Variants in PIGK observed in about 807,000 individuals in gnomAD.
PIGK encodes phosphatidylinositol glycan anchor biosynthesis class K.
Under a neutral mutation model 50.6 loss-of-function variants are expected in PIGK, and 42 were observed. That is an observed-to-expected ratio of 0.83 (90% CI 0.65 to 1.07). PIGK has a LOEUF of 1.07. Ranked by LOEUF, PIGK falls within the 50% of genes least tolerant of loss-of-function variation. PIGK has a pLI of 0.00. For missense variants in PIGK, 448 were observed against 488.7 expected (o/e 0.92, Z 0.78); for synonymous variants, 151 against 156.0 (o/e 0.97, Z 0.24).
chr1:77,089,465 A>C lies in PIGK; in HGVS notation c.*2909T>G, dbSNP rs1653249330. 6.6e-6 allele frequency: 1 copy of C among 152,580 alleles called. No homozygotes were observed. The highest frequency in any genetic ancestry group is 6.5e-5 in the Admixed American group (1 of 15,290). The allele number at this position is 152,580 out of a possible 1,614,324, so 9.5% of individuals were successfully genotyped here. On this transcript the variant is annotated 3_prime_UTR_variant, in exon 11 of 11. Transcript: ENST00000370812. ...GTCAACTGAAAAAAGTTATATGTTAATGCAACATTTGTTGTAAAGATTCCA... is the reference window on the plus strand; with the variant it reads ...GTCAACTGAAAAAAGTTATATGTTACTGCAACATTTGTTGTAAAGATTCCA...
intron 3 of PIGK, among the ~76,000 whole-genome samples, chr1:77,199,434 G>C (rs1656111588): frequency 6.6e-6 from 1 of 151,880 alleles, no homozygotes; most frequent in African/African-American, 2.4e-5. Flanking sequence ...ACATTCAAAG[G>C]CATGAGTTAA....
intron 6 of PIGK, among the ~76,000 whole-genome samples, chr1:77,163,083 T>C (rs1435408886): frequency 1.3e-5 from 2 of 152,210 alleles, no homozygotes; most frequent in South Asian, 2.1e-4. Context: ...GCCCCCAGTA[T>C]GCATTCTATA....
chr1:77,187,606 A>G (rs1655779923), intron 3 of PIGK, among the ~76,000 whole-genome samples: 1 of 152,212 alleles, frequency 6.6e-6, no homozygotes, highest in Non-Finnish European at 1.5e-5. Context: ...AAATCAGTCC[A>G]CTACTCCACA....
intron 9 of PIGK, chr1:77,129,117 G>T (rs751625705): frequency 9.6e-7 from 1 of 1,039,646 alleles, no homozygotes; most frequent in Admixed American, 1.7e-5. Flanking sequence ...TGTGAAAATG[G>T]TTCGCTACTC....
At chr1:77,205,668 C>T (rs1047189283) in intron 3 of PIGK, among the ~76,000 whole-genome samples, 6 of 152,050 alleles carry the variant, frequency 3.9e-5, no homozygotes, top group African/African-American at 1.4e-4. Context: ...ATTTCAAAGT[C>T]ATATCTAACT....
intron 3 of PIGK, among the ~76,000 whole-genome samples, chr1:77,171,436 C>CAAAAAAAAAA (rs58788160): frequency 0.012 from 572 of 46,858 alleles, 58 homozygotes; most frequent in Non-Finnish European, 0.016. Context: ...GACTCCACCT[C>CAAAAAAAAAA]AAAAAAAAAA....
At chr1:77,126,647 A>G (rs1351197441) in intron 9 of PIGK, among the ~76,000 whole-genome samples, 1 of 152,178 alleles carries the variant, frequency 6.6e-6, no homozygotes, top group African/African-American at 2.4e-5. Flanking sequence ...ATGGTTTCCC[A>G]AGATTGTCAC....
intron 9 of PIGK, among the ~76,000 whole-genome samples, chr1:77,140,246 C>G (rs1223447092): frequency 6.6e-6 from 1 of 151,826 alleles, no homozygotes; most frequent in African/African-American, 2.4e-5. Context: ...CATGCTCACA[C>G]TCACTCACTC....
intron 3 of PIGK, among the ~76,000 whole-genome samples, chr1:77,175,584 G>A (rs1244739446): frequency 6.6e-6 from 1 of 152,128 alleles, no homozygotes; most frequent in African/African-American, 2.4e-5. Context: ...AAAATTATAA[G>A]AAAGCATGAG....
At chr1:77,210,855 T>C (rs1656402558) in intron 1 of PIGK, among the ~76,000 whole-genome samples, 1 of 152,050 alleles carries the variant, frequency 6.6e-6, no homozygotes, top group Non-Finnish European at 1.5e-5. Context: ...TAGAGAACTA[T>C]AAGGTATATG....
chr1:77,098,888 TTAAGTA>T (rs1653480538), intron 10 of PIGK, among the ~76,000 whole-genome samples: 1 of 152,154 alleles, frequency 6.6e-6, no homozygotes, highest in Admixed American at 6.5e-5. Context: ...ACACAATATA[TTAAGTA>T]TTTCTTTCTC....
chr1:77,141,313 T>G (rs1654646200), intron 9 of PIGK, among the ~76,000 whole-genome samples: 1 of 152,150 alleles, frequency 6.6e-6, no homozygotes, highest in African/African-American at 2.4e-5. Flanking sequence ...TATTTCATTA[T>G]TTTGTCTGCT....
intron 10 of PIGK, among the ~76,000 whole-genome samples, chr1:77,111,999 T>A (rs1405825457): frequency 6.6e-6 from 1 of 152,090 alleles, no homozygotes; most frequent in Admixed American, 6.6e-5. Context: ...TATATATGAA[T>A]GTAGATTAAA....
intron 10 of PIGK, among the ~76,000 whole-genome samples, chr1:77,109,968 A>G (rs547736439): frequency 6.6e-6 from 1 of 152,342 alleles, no homozygotes; most frequent in East Asian, 1.9e-4. Context: ...CACCAATAAC[A>G]GACAAACAGA....
At chr1:77,209,402 C>T (rs1656364489) in intron 2 of PIGK, among the ~76,000 whole-genome samples, 1 of 151,870 alleles carries the variant, frequency 6.6e-6, no homozygotes, top group African/African-American at 2.4e-5. Context: ...AAAAAAAGGG[C>T]CAATAAGCAG....
chr1:77,154,689 T>C, intron 8 of PIGK, 68 bp from the exon 9 acceptor site: 3 of 985,698 alleles, frequency 3.0e-6, no homozygotes, highest in Non-Finnish European at 4.6e-6. Flanking sequence ...TCCAATCACA[T>C]AATTCACTAA....
At chr1:77,219,261 G>A (rs1446609396) in intron 1 of PIGK, 49 bp downstream of exon 1, 2 of 1,452,752 alleles carry the variant, frequency 1.4e-6, no homozygotes, top group South Asian at 1.1e-5. Context: ...ATCTGCTGGA[G>A]GGCTCACAGC....
In PIGK at chr1:77,134,875, T is replaced by C. The variant is rs907069191; in HGVS notation, c.987-12516A>G. ...TTTTTAATTTTCATAGGTTTTTAAA[T>C]ATTATTCTAAGAATTATTCAAAGAG... On this transcript the variant is annotated intron_variant, in intron 9 of 10. Transcript: ENST00000370812. 5.9e-5 allele frequency among the ~76,000 whole-genome samples: 9 copies of C among 152,310 alleles called. 1 individual carries two copies. The East Asian group carries it at 1.7e-3, about 29-fold the overall frequency.
intron 3 of PIGK, among the ~76,000 whole-genome samples, chr1:77,197,802 T>C (rs962013476): frequency 1.3e-5 from 2 of 152,184 alleles, no homozygotes; most frequent in Admixed American, 1.3e-4. Context: ...GTCATATTCT[T>C]ATGTTTACAC....
Sources: allele counts gnomAD v4.1 joint callset (sites outside exome capture counted in the v4.1 genomes callset), GRCh38; gene constraint gnomAD v4.1.1; transcripts MANE v1.5; gene names NCBI Gene and HGNC (gene_info 2026-07-23, HGNC 2026-07-21).